Variants in NPC1L1 observed in about 807,000 individuals in gnomAD.
NPC1L1 encodes NPC1-like intracellular cholesterol transporter 1.
NPC1L1 carries 98 observed loss-of-function variants against 117.0 expected under a neutral mutation model. The ratio of observed to expected loss-of-function variants is 0.84; its 90% CI spans 0.71 to 0.99. The LOEUF (loss-of-function observed/expected upper bound fraction) is 0.99, where lower values mean the gene tolerates loss of function less well. Ranked by LOEUF, NPC1L1 falls within the 50% of genes least tolerant of loss-of-function variation. The probability of loss-of-function intolerance (pLI) is 0.00; values close to 1 mark genes in which losing one functional copy is unlikely to be tolerated. For synonymous variants in NPC1L1, 729 were observed against 727.6 expected (o/e 1.00, Z -0.03); for missense variants, 1,540 against 1,710.0 (o/e 0.90, Z 1.75).
Position 44,536,778 on chromosome 7 carries a change from G to A in NPC1L1, c.1681+64C>T, listed in dbSNP as rs1286656631. 17 of 1,410,204 alleles carry A rather than the reference G, an allele frequency of 1.2e-5. No individual in the cohort carries two copies. The highest frequency in any genetic ancestry group is 9.2e-5 in the East Asian group (4 of 43,676). The allele number at this position is 1,410,204 out of a possible 1,614,324, so 87.4% of individuals were successfully genotyped here. A position where few individuals can be genotyped will look rare whatever the true frequency, so the allele number is the denominator to read the frequency against. The stretch of plus-strand genomic sequence containing the variant: ...TCCCCAGCACCACTCCCACCCTCCC[G>A]TCTATGGTTCCTGCCCCAATACTGC... On this transcript the variant is annotated intron_variant, in intron 3 of 18. Coordinates refer to ENST00000381160, the MANE Select transcript of NPC1L1 (RefSeq NM_001101648.2). This position sits in a 1 kb window ranked among gnomAD's most constrained non-coding sequence, Gnocchi z 4.7.
chr7:44,532,973 G>A (rs1342593317), intron 8 of NPC1L1, among the ~76,000 whole-genome samples: 1 of 152,158 alleles, frequency 6.6e-6, no homozygotes, highest in Non-Finnish European at 1.5e-5. Context: ...GCGTGCAGGA[G>A]GAGGGGGCCT....
chr7:44,539,877 G>A lies in NPC1L1; in HGVS notation c.520C>T (p.Arg174Cys), dbSNP rs148087541. The A allele has an allele frequency of 1.1e-4, 178 of 1,614,072 alleles. No homozygotes were observed. Among genetic ancestry groups the A allele is most frequent in the Non-Finnish European group, 1.4e-4 (160 of 1,180,030 alleles). ...FAEQSYDSCS[R>C]VRVPAAATLA... ...GTGGCAGCTGCAGGGACGCGCACAC[G>A]GCTGCAGGAGTCATAGCTCTGCTCG... is the stretch of plus-strand genomic sequence containing the variant. The change falls in exon 2 of 19, where the codon CGT becomes TGT. Residue 174 changes from arginine (R) to cysteine (C), a missense_variant. This residue lies in a region of NPC1L1 where 793 missense variants were observed against 820.4 expected (regional missense o/e 0.97). Coordinates refer to ENST00000381160, the MANE Select transcript of NPC1L1 (RefSeq NM_001101648.2). This position sits in a 1 kb window ranked among gnomAD's most constrained non-coding sequence, Gnocchi z 4.4.
intron 8 of NPC1L1, chr7:44,533,118 A>T: frequency 3.3e-6 from 1 of 299,150 alleles, no homozygotes; most frequent in Non-Finnish European, 6.5e-6. Flanking sequence ...AAAAAAAAAA[A>T]GTTACATGCA....
chr7:44,514,728 A>G (rs1246751657), intron 18 of NPC1L1, among the ~76,000 whole-genome samples: 1 of 148,778 alleles, frequency 6.7e-6, no homozygotes, highest in Non-Finnish European at 1.5e-5. Flanking sequence ...AGGGCTGGGC[A>G]CAGTGGCTCA....
rs1801976465 is a variant in NPC1L1 at position 44,538,762 on chromosome 7, G to A, written c.1580+55C>T. 1.3e-6 allele frequency: 2 copies of A among 1,580,688 alleles called. No individual in the cohort carries two copies. Among genetic ancestry groups the A allele is most frequent in the South Asian group, 1.1e-5 (1 of 90,392 alleles). On this transcript the variant is annotated intron_variant, in intron 2 of 18. Coordinates refer to ENST00000381160, the MANE Select transcript of NPC1L1 (RefSeq NM_001101648.2). This position sits in a 1 kb window ranked among gnomAD's most constrained non-coding sequence, Gnocchi z 5.9. ...CCGGCCAGGTTCCCAGGAGGCCATG[G>A]CAGCCCAGCCCCAGCCCCAGCCCAC...
At chr7:44,515,762 A>G in intron 18 of NPC1L1, 41 bp downstream of exon 18, 1 of 1,613,450 alleles carries the variant, frequency 6.2e-7, no homozygotes, top group South Asian at 1.1e-5. Flanking sequence ...TGTCGTCAGC[A>G]TAATCATGAC....
rs1037563914 is a variant in NPC1L1 at position 44,513,081 on chromosome 7, A to G, written c.*366T>C. On this transcript the variant is annotated 3_prime_UTR_variant, in exon 19 of 19. Coordinates refer to ENST00000381160, the MANE Select transcript of NPC1L1 (RefSeq NM_001101648.2). Reference sequence around the variant, plus strand: ...TTAAAGACTTACTGACACAGAATTAAGACTTTCGAGAGAGGAACTGAGAAG... The same window carrying G: ...TTAAAGACTTACTGACACAGAATTAGGACTTTCGAGAGAGGAACTGAGAAG... The G allele has an allele frequency of 5.6e-6, 2 of 356,570 alleles. No individual in the cohort carries two copies. Among genetic ancestry groups the G allele is most frequent in the Non-Finnish European group, 1.1e-5 (2 of 183,270 alleles). 22.1% of individuals were successfully genotyped at this position (356,570 alleles called of 1,614,324 possible).
intron 12 of NPC1L1, 132 bp downstream of exon 12, chr7:44,521,580 G>T: frequency 1.4e-6 from 2 of 1,431,324 alleles, no homozygotes; most frequent in Non-Finnish European, 9.8e-7. Context: ...GGCCACATCT[G>T]CACCCATGCC....
intron 10 of NPC1L1, among the ~76,000 whole-genome samples, chr7:44,531,457 G>T (rs530974392): frequency 1.3e-5 from 2 of 152,360 alleles, no homozygotes; most frequent in East Asian, 3.9e-4. Context: ...TGGACACTGG[G>T]CAGGCACTCA....
Position 44,531,830 on chromosome 7 carries a change from G to A in NPC1L1, c.2562C>T (p.Leu854=), listed in dbSNP as rs973534259. ...ITRGVVLLLF[L]ALFGVSLYSM... Reference sequence around the variant, plus strand: ...AGTAGAGGCTCACTCCGAACAGGGCGAGAAACAGCAGCAGCTGAGAAGGGA... The same window carrying A: ...AGTAGAGGCTCACTCCGAACAGGGCAAGAAACAGCAGCAGCTGAGAAGGGA... Residue 854 remains leucine (L), a synonymous_variant, in exon 10 of 19, where the codon CTC becomes CTT. Coordinates refer to ENST00000381160, the MANE Select transcript of NPC1L1 (RefSeq NM_001101648.2). The A allele has an allele frequency of 5.7e-6, 9 of 1,585,436 alleles. No homozygotes were observed. The highest frequency in any genetic ancestry group is 2.3e-5 in the East Asian group (1 of 43,862).
intron 14 of NPC1L1, among the ~76,000 whole-genome samples, chr7:44,518,271 G>C (rs1801249767): frequency 6.6e-6 from 1 of 151,518 alleles, no homozygotes; most frequent in African/African-American, 2.4e-5. Context: ...CCGGGTTCAA[G>C]TGATTGTCCT....
chr7:44,529,370 G>A (rs1209885331), intron 10 of NPC1L1, among the ~76,000 whole-genome samples: 2 of 150,594 alleles, frequency 1.3e-5, no homozygotes, highest in Non-Finnish European at 3.0e-5. Context: ...ACTAAGATCA[G>A]ACAAAATATA....
At chr7:44,529,350 G>A (rs949116608) in intron 10 of NPC1L1, among the ~76,000 whole-genome samples, 7 of 151,828 alleles carry the variant, frequency 4.6e-5, no homozygotes, top group Admixed American at 2.6e-4. Flanking sequence ...AAGAGAATAG[G>A]GGTAGCTATA....
chr7:44,530,622 GA>G (rs1801668158), intron 10 of NPC1L1, among the ~76,000 whole-genome samples: 1 of 152,154 alleles, frequency 6.6e-6, no homozygotes, highest in South Asian at 2.1e-4. Flanking sequence ...GTCCCCAACA[GA>G]AAAATAAACA....
At chr7:44,523,412 A>G (rs1339503893) in intron 10 of NPC1L1, among the ~76,000 whole-genome samples, 1 of 152,144 alleles carries the variant, frequency 6.6e-6, no homozygotes, top group Admixed American at 6.6e-5. Context: ...TTCCAGGATA[A>G]GGCTTGGACA....
chr7:44,538,728 G>A lies in NPC1L1; in HGVS notation c.1580+89C>T, dbSNP rs1801975164. The A allele has an allele frequency of 2.3e-6, 3 of 1,328,116 alleles. No individual in the cohort carries two copies. Among genetic ancestry groups the A allele is most frequent in the South Asian group, 2.3e-5 (2 of 85,266 alleles). The allele number at this position is 1,328,116 out of a possible 1,614,324, so 82.3% of individuals were successfully genotyped here. A position where few individuals can be genotyped will look rare whatever the true frequency, so the allele number is the denominator to read the frequency against. Reference sequence around the variant, plus strand: ...AGCTACCTCTGGTCCTTCAGGACCAGCTGTATGCCCGGCCAGGTTCCCAGG... The same window carrying A: ...AGCTACCTCTGGTCCTTCAGGACCAACTGTATGCCCGGCCAGGTTCCCAGG... On this transcript the variant is annotated intron_variant, in intron 2 of 18. Transcript: ENST00000381160. The surrounding 1 kb of genome is among the most constrained non-coding windows in gnomAD (Gnocchi z 5.9).
At position 44,538,994 on chromosome 7, in the gene NPC1L1, T is replaced by C; in HGVS notation, c.1403A>G (p.Gln468Arg). Residue 468 changes from glutamine to arginine, a missense_variant, in exon 2 of 19, where the codon CAG becomes CGG. Around this residue, in one of 3 missense-constraint regions of NPC1L1, gnomAD observed 793 missense variants for 820.4 expected, o/e 0.97. Transcript: ENST00000381160. The surrounding 1 kb of genome is among the most constrained non-coding windows in gnomAD (Gnocchi z 5.9). ...SPEAQRNISLQDICYAPLNPD... is the reference protein window; with the variant it reads ...SPEAQRNISLRDICYAPLNPD... ...ATTGAGGGGGGCGTAGCAGATGTCC[T>C]GCAGGGAGATGTTGCGCTGTGCTTC... is the stretch of plus-strand genomic sequence containing the variant. 3 of 1,614,174 alleles carry C rather than the reference T, an allele frequency of 1.9e-6. No individual in the cohort carries two copies. The highest frequency in any genetic ancestry group is 1.7e-6 in the Non-Finnish European group (2 of 1,180,028).
Position 44,534,659 on chromosome 7 carries a change from C to G in NPC1L1, c.1984-30G>C, listed in dbSNP as rs767062916. ...AATGCAAACAGGCTCAGCCCCCTAG[C>G]CACTTAGCACCTACCCAGTATGCCC... On this transcript the variant is annotated intron_variant, in intron 5 of 18. Coordinates refer to ENST00000381160, the MANE Select transcript of NPC1L1 (RefSeq NM_001101648.2). This position sits in a 1 kb window ranked among gnomAD's most constrained non-coding sequence, Gnocchi z 5.2. 1.2e-6 allele frequency: 2 copies of G among 1,611,610 alleles called. No homozygotes were observed. The highest frequency in any genetic ancestry group is 2.2e-5 in the South Asian group (2 of 90,990).
At chr7:44,520,215 G>A (rs1801312241) in intron 14 of NPC1L1, among the ~76,000 whole-genome samples, 2 of 152,104 alleles carry the variant, frequency 1.3e-5, no homozygotes, top group African/African-American at 4.8e-5. Context: ...GGAAAGTGGA[G>A]GTTGCAGTGA....
Sources: gnomAD v4.1 joint callset for allele counts (sites outside exome capture counted in the v4.1 genomes callset) on GRCh38, gnomAD v4.1.1 for gene constraint, gnomAD v4.1.1 regional missense constraint, Gnocchi (gnomAD v3.1) non-coding constraint, MANE v1.5 for transcripts, NCBI Gene and HGNC (gene_info 2026-07-23, HGNC 2026-07-21) for gene names.